The following LRRC7 variants were observed in gnomAD, a reference collection of about 807,000 sequenced individuals.
LRRC7 encodes the protein leucine rich repeat containing 7.
In LRRC7, 23 loss-of-function variants were observed where a neutral mutation model predicts 175.7. The observed-to-expected ratio is 0.13, with a 90% CI of 0.09 to 0.19. The LOEUF (loss-of-function observed/expected upper bound fraction) is 0.19. Ranked by LOEUF, LRRC7 falls within the 10% of genes least tolerant of loss-of-function variation. The probability of loss-of-function intolerance (pLI) is 1.00; values close to 1 mark genes in which losing one functional copy is unlikely to be tolerated. For synonymous variants in LRRC7, 685 were observed against 680.9 expected (o/e 1.01, Z -0.09); for missense variants, 1,354 against 1,904.7 (o/e 0.71, Z 5.38).
At chr1:69,789,227 A>G (rs1206490888) in intron 3 of LRRC7, among the ~76,000 whole-genome samples, 1 of 152,078 alleles carries the variant, frequency 6.6e-6, no homozygotes. Context: ...TAGCCCAAGA[A>G]AAAAGAACAC....
intron 1 of LRRC7, among the ~76,000 whole-genome samples, chr1:69,634,116 C>T (rs765113430): frequency 4.6e-5 from 7 of 151,968 alleles, no homozygotes; most frequent in Non-Finnish European, 8.8e-5. Context: ...CTGTCATGTG[C>T]TACTCTAATT....
intron 7 of LRRC7, among the ~76,000 whole-genome samples, chr1:69,840,388 CAT>C (rs1681592873): frequency 6.6e-6 from 1 of 151,900 alleles, no homozygotes; most frequent in African/African-American, 2.4e-5. Context: ...AAGGTGAAAA[CAT>C]AGTTTTAGGA....
chr1:69,735,823 C>G (rs1668052158), intron 2 of LRRC7, among the ~76,000 whole-genome samples: 1 of 151,916 alleles, frequency 6.6e-6, no homozygotes, highest in Non-Finnish European at 1.5e-5. Flanking sequence ...CCCTCCCTAT[C>G]TGTTTCACTC....
At chr1:69,721,589 AATTT>A (rs1337260725) in intron 2 of LRRC7, among the ~76,000 whole-genome samples, 7 of 151,790 alleles carry the variant, frequency 4.6e-5, no homozygotes, top group Non-Finnish European at 1.0e-4. Context: ...AATATATCAC[AATTT>A]ATTTATTCAT....
At chr1:69,833,702 G>A (rs901483885) in intron 5 of LRRC7, among the ~76,000 whole-genome samples, 1 of 151,956 alleles carries the variant, frequency 6.6e-6, no homozygotes, top group African/African-American at 2.4e-5. Flanking sequence ...AGCAGTGATG[G>A]CAACTGTTGC....
chr1:69,808,440 C>G (rs2101128117), intron 4 of LRRC7, among the ~76,000 whole-genome samples: 1 of 152,074 alleles, frequency 6.6e-6, no homozygotes, highest in Admixed American at 6.6e-5. Context: ...ACTCTCCACC[C>G]CAAATCAACA....
At chr1:69,685,617 G>GA (rs1162031053) in intron 2 of LRRC7, among the ~76,000 whole-genome samples, 2 of 152,004 alleles carry the variant, frequency 1.3e-5, no homozygotes, top group Non-Finnish European at 2.9e-5. Context: ...ATAGTAGAGT[G>GA]AAAATTACAG....
At chr1:69,819,400 T>TTA (rs941494263) in intron 4 of LRRC7, among the ~76,000 whole-genome samples, 3 of 152,132 alleles carry the variant, frequency 2.0e-5, no homozygotes, top group African/African-American at 4.8e-5. Flanking sequence ...ATTTCTGGTT[T>TTA]TATATATATC....
chr1:69,706,974 T>C (rs1430756294), intron 2 of LRRC7, among the ~76,000 whole-genome samples: 1 of 151,874 alleles, frequency 6.6e-6, no homozygotes, highest in Non-Finnish European at 1.5e-5. Flanking sequence ...ATACAGAAAA[T>C]ATACAAAAAA....
At chr1:70,049,801 T>A (rs1660614503) in intron 22 of LRRC7, among the ~76,000 whole-genome samples, 1 of 152,056 alleles carries the variant, frequency 6.6e-6, no homozygotes, top group Non-Finnish European at 1.5e-5. Flanking sequence ...AAATGAATAA[T>A]ATAACAATAA....
intron 8 of LRRC7, among the ~76,000 whole-genome samples, chr1:69,942,969 G>GT (rs1648891007): frequency 6.6e-6 from 1 of 152,078 alleles, no homozygotes; most frequent in South Asian, 2.1e-4. Context: ...AGCATTATGA[G>GT]TTTTTTTGCG....
In LRRC7 at chr1:69,802,519, C is replaced by G. The variant is rs185609607; in HGVS notation, c.421+10359C>G. Among the ~76,000 whole-genome samples, 5 of 151,414 alleles carry G rather than the reference C, an allele frequency of 3.3e-5. No homozygotes were observed. In the East Asian group the frequency reaches 9.7e-4, roughly 29 times the overall value. ...TTTGATTAAAGTCTGTTTTATCTGA[C>G]ATAAGTATAGCTACTCCTACTCTCT... is the stretch of plus-strand genomic sequence containing the variant. On this transcript the variant is annotated intron_variant, in intron 4 of 26. Coordinates refer to ENST00000651989, the MANE Select transcript of LRRC7 (RefSeq NM_001370785.2).
chr1:69,736,355 C>T (rs549239112), intron 2 of LRRC7, among the ~76,000 whole-genome samples: 165 of 152,162 alleles, frequency 1.1e-3, no homozygotes, highest in African/African-American at 3.8e-3. Flanking sequence ...TCTTAGAAAA[C>T]AAGGAATATT....
chr1:69,752,346 G>A (rs1669931102), intron 2 of LRRC7, among the ~76,000 whole-genome samples: 1 of 152,118 alleles, frequency 6.6e-6, no homozygotes, highest in Non-Finnish European at 1.5e-5. Context: ...AGGACAGCCA[G>A]GATATTTGTC....
intron 16 of LRRC7, 136 bp from the exon 17 acceptor site, chr1:70,022,990 T>C (rs1449897025): frequency 8.7e-7 from 1 of 1,143,336 alleles, no homozygotes; most frequent in African/African-American, 1.6e-5. Context: ...TACATGGATT[T>C]AAAACTAACT....
intron 2 of LRRC7, among the ~76,000 whole-genome samples, chr1:69,679,299 G>C (rs976119856): frequency 6.6e-6 from 1 of 152,118 alleles, no homozygotes; most frequent in East Asian, 1.9e-4. Flanking sequence ...ATTTTACAAG[G>C]ATAAAGCTAA....
intron 8 of LRRC7, among the ~76,000 whole-genome samples, chr1:69,972,320 A>AT (rs1295638041): frequency 1.3e-5 from 2 of 152,254 alleles, no homozygotes; most frequent in Non-Finnish European, 2.9e-5. Context: ...GAAACAGCAG[A>AT]GTAAACAGAC....
rs1319669186 is a variant in LRRC7, at chr1:69,939,257, CT to C, written c.711+7688del. 5.3e-5 allele frequency among the ~76,000 whole-genome samples: 8 copies of C among 151,508 alleles called. No homozygotes were observed. The Admixed American group carries it at 5.3e-4, about 10-fold the overall frequency. Reference sequence around the variant, plus strand: ...GAACTGAAGGAGCAAAGGGGGGACACTGAAAAAGGAAGTTTGAAAAGGTGAA... The same window carrying C: ...GAACTGAAGGAGCAAAGGGGGGACACGAAAAAGGAAGTTTGAAAAGGTGAA... On this transcript the variant is annotated intron_variant, in intron 8 of 26. Transcript: ENST00000651989.
intron 8 of LRRC7, among the ~76,000 whole-genome samples, chr1:69,935,265 A>G (rs1245815445): frequency 1.3e-5 from 2 of 152,120 alleles, no homozygotes; most frequent in African/African-American, 2.4e-5. Context: ...GGGGAGGACT[A>G]TTTCAAGAAG....
Sources: gnomAD v4.1 joint callset for allele counts (sites outside exome capture counted in the v4.1 genomes callset) on GRCh38, gnomAD v4.1.1 for gene constraint, MANE v1.5 for transcripts, NCBI Gene and HGNC (gene_info 2026-07-23, HGNC 2026-07-21) for gene names.